IGF2BP3: variants seen among roughly 807,000 people sequenced by gnomAD.
IGF2BP3 encodes insulin like growth factor 2 mRNA binding protein 3.
A neutral mutation model predicts 73.8 loss-of-function variants in IGF2BP3; 9 were observed. That is an observed-to-expected ratio of 0.12 (90% CI 0.07 to 0.21). IGF2BP3 has a LOEUF of 0.21. Ranked by LOEUF, IGF2BP3 falls within the 10% of genes least tolerant of loss-of-function variation. The pLI, the probability that IGF2BP3 is intolerant of heterozygous loss-of-function variation, is 1.00. For synonymous variants in IGF2BP3, 258 were observed against 256.7 expected, an observed-to-expected ratio of 1.01 and a Z score of -0.05; for missense variants, 542 against 714.0, an observed-to-expected ratio of 0.76 and a Z score of 2.75.
In IGF2BP3 at chr7:23,323,652, C is replaced by T. The variant is rs1397295959; in HGVS notation, c.1204-4398G>A. Among the ~76,000 whole-genome samples, 724 of 151,860 alleles carry T rather than the reference C, an allele frequency of 4.8e-3. 4 individuals are homozygous for T. The highest frequency in any genetic ancestry group is 0.015 in the African/African-American group (625 of 41,238). ...GCACCACACCACACCTATTCCAAAA[C>T]TGACCACATACTTGGAAGTAAAGCT... On this transcript the variant is annotated intron_variant, in intron 10 of 14. Transcript: ENST00000258729.
At chr7:23,462,487 G>A (rs1167084706) in intron 2 of IGF2BP3, among the ~76,000 whole-genome samples, 1 of 151,628 alleles carries the variant, frequency 6.6e-6, no homozygotes, top group Non-Finnish European at 1.5e-5. Flanking sequence ...TCAGCCTACC[G>A]CGTAGCTGGG....
At chr7:23,449,990 T>A (rs1330597167) in intron 2 of IGF2BP3, among the ~76,000 whole-genome samples, 3 of 152,150 alleles carry the variant, frequency 2.0e-5, no homozygotes, top group Non-Finnish European at 2.9e-5. Context: ...AACACTAAGA[T>A]GTTATTTGCC....
Position 23,362,908 on chromosome 7 carries a change from C to T in IGF2BP3, c.286-1167G>A, listed in dbSNP as rs113407617. 4.7e-3 allele frequency among the ~76,000 whole-genome samples: 715 copies of T among 152,180 alleles called. 7 individuals are homozygous for T. Among genetic ancestry groups the T allele is most frequent in the African/African-American group, 0.016 (662 of 41,502 alleles). On this transcript the variant is annotated intron_variant, in intron 3 of 14. Coordinates refer to ENST00000258729, the MANE Select transcript of IGF2BP3 (RefSeq NM_006547.3). ...AGCTGGCACTACAGGTGCACGCCGC[C>T]ACCCTCAGCTAATTTTTAAAATTTT...
intron 3 of IGF2BP3, among the ~76,000 whole-genome samples, chr7:23,388,256 T>C (rs1562719106): frequency 1.3e-5 from 2 of 152,072 alleles, no homozygotes; most frequent in Non-Finnish European, 2.9e-5. Context: ...TTAAAAACAT[T>C]AAATATATGA....
At chr7:23,354,314 A>G (rs1785039128) in intron 5 of IGF2BP3, among the ~76,000 whole-genome samples, 1 of 152,198 alleles carries the variant, frequency 6.6e-6, no homozygotes, top group Admixed American at 6.5e-5. Flanking sequence ...TAAAGTCGGG[A>G]ATAAACAGAT....
At chr7:23,388,233 G>A (rs1192726471) in intron 3 of IGF2BP3, among the ~76,000 whole-genome samples, 1 of 151,964 alleles carries the variant, frequency 6.6e-6, no homozygotes, top group African/African-American at 2.4e-5. Context: ...CACTGTGCCC[G>A]GCCTAGAATT....
At chr7:23,382,612 C>T (rs554597360) in intron 3 of IGF2BP3, among the ~76,000 whole-genome samples, 1 of 152,054 alleles carries the variant, frequency 6.6e-6, no homozygotes, top group East Asian at 1.9e-4. Flanking sequence ...CAATAACTAT[C>T]CTCCTACCAT....
chr7:23,331,482 G>C (rs1021841532), intron 10 of IGF2BP3, among the ~76,000 whole-genome samples: 2 of 152,116 alleles, frequency 1.3e-5, no homozygotes, highest in Non-Finnish European at 2.9e-5. Flanking sequence ...TGCATAAGAT[G>C]GGTGTGTACA....
intron 2 of IGF2BP3, among the ~76,000 whole-genome samples, chr7:23,435,233 C>T (rs1192880060): frequency 8.2e-6 from 1 of 122,668 alleles, no homozygotes; most frequent in Non-Finnish European, 1.6e-5. Flanking sequence ...GCGGAGGTTG[C>T]AGTGAACAAA....
At position 23,442,688 on chromosome 7, in the gene IGF2BP3, G is replaced by A. The variant is rs557262574; in HGVS notation, c.237-23864C>T. ...GCTGGGATTACAGGCTTGAGCTACCGAGCCCAGTCTGTTTTTTTCATTTTT... is the reference window on the plus strand; with the variant it reads ...GCTGGGATTACAGGCTTGAGCTACCAAGCCCAGTCTGTTTTTTTCATTTTT... On this transcript the variant is annotated intron_variant, in intron 2 of 14. Coordinates refer to ENST00000258729, the MANE Select transcript of IGF2BP3 (RefSeq NM_006547.3). Among the ~76,000 whole-genome samples, 11 of 152,174 alleles carry A rather than the reference G, an allele frequency of 7.2e-5. No homozygotes were observed. The South Asian group carries it at 8.3e-4, about 11-fold the overall frequency.
intron 2 of IGF2BP3, among the ~76,000 whole-genome samples, chr7:23,449,119 C>CT (rs57456266): frequency 1.5e-4 from 23 of 148,646 alleles, no homozygotes; most frequent in Middle Eastern, 3.4e-3. Flanking sequence ...GATTTATTAT[C>CT]TTTTTTTTTT....
chr7:23,461,672 TA>T (rs1200152018), intron 2 of IGF2BP3, among the ~76,000 whole-genome samples: 1 of 152,198 alleles, frequency 6.6e-6, no homozygotes, highest in Non-Finnish European at 1.5e-5. Flanking sequence ...GCTAGTAACA[TA>T]TCATCTCCTG....
intron 5 of IGF2BP3, among the ~76,000 whole-genome samples, chr7:23,358,688 A>G (rs1785154585): frequency 6.6e-6 from 1 of 152,348 alleles, no homozygotes; most frequent in East Asian, 1.9e-4. Flanking sequence ...CTCAAATAAA[A>G]TTAATTCTCC....
intron 2 of IGF2BP3, among the ~76,000 whole-genome samples, chr7:23,419,645 A>G (rs945295101): frequency 3.9e-5 from 6 of 152,220 alleles, no homozygotes; most frequent in African/African-American, 7.2e-5. Flanking sequence ...TGAGGTCTGG[A>G]GGTCAGGACC....
intron 3 of IGF2BP3, among the ~76,000 whole-genome samples, chr7:23,385,044 C>CT (rs1786038867): frequency 6.6e-6 from 1 of 152,160 alleles, no homozygotes; most frequent in South Asian, 2.1e-4. Flanking sequence ...ACATTAATGC[C>CT]TTTCTTATAG....
chr7:23,369,506 C>G (rs1160508275), intron 3 of IGF2BP3, among the ~76,000 whole-genome samples: 1 of 152,142 alleles, frequency 6.6e-6, no homozygotes, highest in Non-Finnish European at 1.5e-5. Flanking sequence ...ACAAAAGAAC[C>G]TATGCTTTGG....
At chr7:23,384,532 T>A (rs1483026792) in intron 3 of IGF2BP3, among the ~76,000 whole-genome samples, 1 of 152,086 alleles carries the variant, frequency 6.6e-6, no homozygotes, top group Non-Finnish European at 1.5e-5. Context: ...CAACAAAAGA[T>A]ATATTAGTCT....
intron 2 of IGF2BP3, among the ~76,000 whole-genome samples, chr7:23,421,569 G>A (rs1351461405): frequency 2.7e-5 from 4 of 150,394 alleles, no homozygotes; most frequent in Non-Finnish European, 5.9e-5. Flanking sequence ...GCACATGCCT[G>A]TAATCCCGGC....
At chr7:23,429,363 G>A (rs944591143) in intron 2 of IGF2BP3, among the ~76,000 whole-genome samples, 2 of 152,136 alleles carry the variant, frequency 1.3e-5, no homozygotes, top group Non-Finnish European at 2.9e-5. Flanking sequence ...GCATTTTACA[G>A]ATTAGGAAAC....
Sources: allele counts gnomAD v4.1 joint callset (sites outside exome capture counted in the v4.1 genomes callset), GRCh38; gene constraint gnomAD v4.1.1; transcripts MANE v1.5; gene names NCBI Gene and HGNC (gene_info 2026-07-23, HGNC 2026-07-21).